B4GALT5: variants seen among roughly 807,000 people sequenced by gnomAD.
B4GALT5 encodes the protein UDP-Gal:beta-GlcNAc beta-1,4-galactosyltransferase 5.
In B4GALT5, 11 loss-of-function variants were observed where a neutral mutation model predicts 45.0. That is an observed-to-expected ratio of 0.24 (90% CI 0.15 to 0.40). The LOEUF (loss-of-function observed/expected upper bound fraction) is 0.40. B4GALT5 is among the 10% of genes least tolerant of loss of function. The probability of loss-of-function intolerance (pLI) is 1.00; values close to 1 mark genes in which losing one functional copy is unlikely to be tolerated. For synonymous variants in B4GALT5, 185 were observed against 182.9 expected, an observed-to-expected ratio of 1.01 and a Z score of -0.09; for missense variants, 337 against 500.2, an observed-to-expected ratio of 0.67 and a Z score of 3.11.
chr20:49,665,855 C>T (rs547134437), intron 1 of B4GALT5, among the ~76,000 whole-genome samples: 2 of 151,606 alleles, frequency 1.3e-5, no homozygotes, highest in Middle Eastern at 3.4e-3. Context: ...AAACAAAGAG[C>T]CATCCAGGGG....
intron 1 of B4GALT5, among the ~76,000 whole-genome samples, chr20:49,703,120 G>C (rs777463427): frequency 7.4e-6 from 1 of 135,308 alleles, no homozygotes; most frequent in African/African-American, 2.8e-5. Flanking sequence ...CTTGCAGTGA[G>C]ACCAGATGGC....
intron 1 of B4GALT5, among the ~76,000 whole-genome samples, chr20:49,660,301 A>C (rs1321434064): frequency 6.6e-6 from 1 of 152,224 alleles, no homozygotes; most frequent in Non-Finnish European, 1.5e-5. Context: ...GATCTGTAAA[A>C]GCAAGCCCCT....
chr20:49,699,264 T>C (rs910496237), intron 1 of B4GALT5, among the ~76,000 whole-genome samples: 1 of 151,226 alleles, frequency 6.6e-6, no homozygotes, highest in Non-Finnish European at 1.5e-5. Flanking sequence ...CATTAATACA[T>C]TCATGACTAG....
chr20:49,690,852 A>G (rs1049948223), intron 1 of B4GALT5, among the ~76,000 whole-genome samples: 4 of 152,182 alleles, frequency 2.6e-5, no homozygotes, highest in Non-Finnish European at 1.5e-5. Context: ...TTACCCTGAA[A>G]TTGCAATTTA....
At chr20:49,662,320 T>G (rs1374847546) in intron 1 of B4GALT5, among the ~76,000 whole-genome samples, 1 of 152,040 alleles carries the variant, frequency 6.6e-6, no homozygotes, top group Non-Finnish European at 1.5e-5. Context: ...TCTGCTTTGG[T>G]TTTCTACTTA....
chr20:49,713,769 C>T lies in B4GALT5; in HGVS notation c.-79G>A, dbSNP rs967962013. 8.0e-5 allele frequency: 27 copies of T among 336,722 alleles called. No individual in the cohort carries two copies. Among genetic ancestry groups the T allele is most frequent in the Admixed American group, 6.1e-5 (1 of 16,338 alleles). 20.9% of individuals were successfully genotyped at this position (336,722 alleles called of 1,614,324 possible). On this transcript the variant is annotated 5_prime_UTR_variant, in exon 1 of 9. Coordinates refer to ENST00000371711, the MANE Select transcript of B4GALT5 (RefSeq NM_004776.4). ...CCGTCCGCCGCCTCCTGGGCCGCCG[C>T]CGCCACCGCCTGGGCCTCGGCCACC...
rs761601631 is a variant in B4GALT5, at chr20:49,643,588, T to C, written c.427A>G (p.Lys143Glu). 92 of 1,613,926 alleles carry C rather than the reference T, an allele frequency of 5.7e-5. No homozygotes were observed. The highest frequency in any genetic ancestry group is 7.4e-5 in the Non-Finnish European group (87 of 1,179,982). Residue 143 changes from lysine (K) to glutamate (E), a missense_variant, in exon 4 of 9, where the codon AAA becomes GAA. Physicochemically the swap from Lys to Glu is moderately conservative, Grantham distance 56. Transcript: ENST00000371711. ...CCTCCGAGCTTGATGGTTGGGTCTT[T>C]GGAGAAGAGTTCATGAATGTAATCC... ...GMDYIHELFS[K>E]DPTIKLGGHW...
At chr20:49,654,605 T>A (rs1251764426) in intron 2 of B4GALT5, among the ~76,000 whole-genome samples, 1 of 152,210 alleles carries the variant, frequency 6.6e-6, no homozygotes, top group East Asian at 1.9e-4. Flanking sequence ...GAGAGGCAAT[T>A]CTTTTAAGAG....
At chr20:49,710,562 G>C (rs1180389899) in intron 1 of B4GALT5, among the ~76,000 whole-genome samples, 18 of 151,920 alleles carry the variant, frequency 1.2e-4, no homozygotes, top group Admixed American at 1.0e-3. Flanking sequence ...TGGGATTACA[G>C]GCACCTGCCA....
chr20:49,695,835 G>A (rs1713939997), intron 1 of B4GALT5, among the ~76,000 whole-genome samples: 1 of 151,986 alleles, frequency 6.6e-6, no homozygotes, highest in South Asian at 2.1e-4. Flanking sequence ...TTTCTAAAGG[G>A]TGGGGGTGGG....
intron 1 of B4GALT5, among the ~76,000 whole-genome samples, chr20:49,661,590 G>A (rs1203361884): frequency 6.6e-6 from 1 of 152,128 alleles, no homozygotes; most frequent in African/African-American, 2.4e-5. Flanking sequence ...GCGCAACAGT[G>A]GCTGAATCAC....
chr20:49,689,896 T>G (rs1241745743), intron 1 of B4GALT5, among the ~76,000 whole-genome samples: 3 of 152,216 alleles, frequency 2.0e-5, no homozygotes, highest in African/African-American at 7.2e-5. Flanking sequence ...TTTTGTTTGT[T>G]TGGAGACGGG....
chr20:49,688,659 C>T (rs974831904), intron 1 of B4GALT5, among the ~76,000 whole-genome samples: 1 of 152,156 alleles, frequency 6.6e-6, no homozygotes, highest in African/African-American at 2.4e-5. Context: ...AGTGTCAAGG[C>T]CGGGTGCAGT....
At chr20:49,696,336 G>A (rs887306955) in intron 1 of B4GALT5, among the ~76,000 whole-genome samples, 4 of 152,202 alleles carry the variant, frequency 2.6e-5, no homozygotes, top group African/African-American at 9.6e-5. Flanking sequence ...AACATTTAAT[G>A]AGATTTGAAA....
intron 1 of B4GALT5, among the ~76,000 whole-genome samples, chr20:49,676,598 C>T (rs183007521): frequency 9.2e-5 from 14 of 152,348 alleles, no homozygotes; most frequent in Admixed American, 3.9e-4. Context: ...TGAGCTCTTC[C>T]TTCCGTAAGA....
At chr20:49,686,768 G>A (rs866100928) in intron 1 of B4GALT5, among the ~76,000 whole-genome samples, 3 of 146,862 alleles carry the variant, frequency 2.0e-5, no homozygotes, top group Admixed American at 6.8e-5. Context: ...GTGTGGTGGT[G>A]CACACCTACA....
At chr20:49,655,299 C>T (rs1049424374) in intron 2 of B4GALT5, among the ~76,000 whole-genome samples, 10 of 151,748 alleles carry the variant, frequency 6.6e-5, no homozygotes, top group Non-Finnish European at 1.2e-4. Flanking sequence ...GGTATGGTGG[C>T]GCACACCTGT....
At chr20:49,641,179 T>C (rs936964350) in intron 5 of B4GALT5, among the ~76,000 whole-genome samples, 7 of 152,128 alleles carry the variant, frequency 4.6e-5, no homozygotes, top group African/African-American at 1.7e-4. Context: ...ATGTAAGTGA[T>C]AGCAAACGCA....
chr20:49,698,242 G>A (rs1354495508), intron 1 of B4GALT5, among the ~76,000 whole-genome samples: 1 of 152,074 alleles, frequency 6.6e-6, no homozygotes, highest in Non-Finnish European at 1.5e-5. Flanking sequence ...AGAATTGCTT[G>A]AACCTGGAAA....
Sources: allele counts gnomAD v4.1 joint callset (sites outside exome capture counted in the v4.1 genomes callset), GRCh38; gene constraint gnomAD v4.1.1; transcripts MANE v1.5; gene names NCBI Gene and HGNC (gene_info 2026-07-23, HGNC 2026-07-21).